Variants in ANKRD42 observed in about 807,000 individuals in gnomAD.
ANKRD42 encodes the protein ankyrin repeat domain 42.
ANKRD42 carries 43 observed loss-of-function variants against 51.5 expected under a neutral mutation model. The ratio of observed to expected loss-of-function variants is 0.83; its 90% CI spans 0.65 to 1.08. ANKRD42 has a LOEUF of 1.08. ANKRD42 is among the 50% of genes least tolerant of loss of function. The pLI, the probability that ANKRD42 is intolerant of heterozygous loss-of-function variation, is 0.00. For missense variants in ANKRD42, 608 were observed against 629.3 expected, an observed-to-expected ratio of 0.97 and a Z score of 0.36; for synonymous variants, 203 against 213.0, an observed-to-expected ratio of 0.95 and a Z score of 0.41.
intron 2 of ANKRD42, among the ~76,000 whole-genome samples, chr11:83,204,643 A>C (rs1031302144): frequency 2.0e-5 from 3 of 152,220 alleles, no homozygotes; most frequent in Non-Finnish European, 4.4e-5. Context: ...AAAATTAAAA[A>C]AAAAAGAAAA....
At position 83,229,787 on chromosome 11, in the gene ANKRD42, G is replaced by A. The variant is rs140296439; in HGVS notation, c.913+1915G>A. ...GGAGTGGATCAGATGGTGTGGTGGA[G>A]GGGGATTATAAGTCGCAACAGCTGG... On this transcript the variant is annotated intron_variant, in intron 7 of 10. Transcript: ENST00000533342. Among the ~76,000 whole-genome samples, 117 of 152,264 alleles carry A rather than the reference G, an allele frequency of 7.7e-4. 1 individual carries two copies. Among genetic ancestry groups the A allele is most frequent in the African/African-American group, 2.7e-3 (114 of 41,542 alleles).
intron 8 of ANKRD42, 56 bp from the exon 9 acceptor site, chr11:83,240,703 C>A: frequency 6.3e-7 from 1 of 1,580,422 alleles, no homozygotes; most frequent in South Asian, 1.1e-5. Flanking sequence ...GTGCAAGCTG[C>A]AGTTTCAGTT....
chr11:83,243,662 T>TG (rs1396241728), intron 9 of ANKRD42, among the ~76,000 whole-genome samples: 293 of 152,204 alleles, frequency 1.9e-3, no homozygotes, highest in African/African-American at 6.8e-3. Flanking sequence ...TATGTATGTA[T>TG]TTATTTATTT....
chr11:83,255,981 A>C (rs565276), exon 12 of ANKRD42: 2 of 1,385,554 alleles, frequency 1.4e-6, no homozygotes, highest in South Asian at 2.7e-5. Context: ...TCTTTCATTA[A>C]AAAAATTGAT....
chr11:83,256,050 TC>T, exon 12 of ANKRD42: 1 of 687,868 alleles, frequency 1.5e-6, no homozygotes, highest in South Asian at 2.4e-5. Flanking sequence ...CTGTTCCAAT[TC>T]TGATGGCAGA....
intron 5 of ANKRD42, among the ~76,000 whole-genome samples, chr11:83,219,318 A>G (rs1435859461): frequency 1.3e-5 from 2 of 152,108 alleles, no homozygotes; most frequent in Non-Finnish European, 2.9e-5. Context: ...AGGACTGTTG[A>G]ATTTATTGTG....
intron 4 of ANKRD42, 153 bp from the exon 5 acceptor site, chr11:83,211,142 C>T: frequency 2.2e-6 from 2 of 918,060 alleles, no homozygotes; most frequent in Non-Finnish European, 1.7e-6. Context: ...CTCATATATT[C>T]AAATTAGTGG....
At chr11:83,211,491 CTTGT>C in intron 5 of ANKRD42, 61 bp downstream of exon 5, 2 of 1,565,858 alleles carry the variant, frequency 1.3e-6, no homozygotes, top group South Asian at 1.1e-5. Flanking sequence ...AATGTTTGAT[CTTGT>C]TTAAGAAATT....
intron 6 of ANKRD42, 35 bp downstream of exon 6, chr11:83,225,090 G>GTGATGA (rs542322248): frequency 6.5e-7 from 1 of 1,528,062 alleles, no homozygotes; most frequent in Non-Finnish European, 9.0e-7. Context: ...AGCATATAAT[G>GTGATGA]TGATGATGAT....
intron 3 of ANKRD42, 122 bp from the exon 4 acceptor site, chr11:83,210,178 A>G (rs1417655403): frequency 7.5e-6 from 7 of 935,970 alleles, no homozygotes; most frequent in Non-Finnish European, 1.1e-5. Flanking sequence ...GCACATATGT[A>G]AGAACATACA....
At chr11:83,199,824 C>T (rs1356096735) in intron 2 of ANKRD42, among the ~76,000 whole-genome samples, 1 of 152,174 alleles carries the variant, frequency 6.6e-6, no homozygotes, top group Non-Finnish European at 1.5e-5. Context: ...CTTCTTGTAA[C>T]CAAATCTGGT....
intron 5 of ANKRD42, among the ~76,000 whole-genome samples, chr11:83,218,968 A>G (rs957712834): frequency 3.9e-5 from 6 of 152,248 alleles, no homozygotes; most frequent in African/African-American, 1.4e-4. Flanking sequence ...TGTAAGGAAT[A>G]CTGTGGCCAG....
chr11:83,243,422 G>T (rs1410411838), intron 9 of ANKRD42, among the ~76,000 whole-genome samples: 1 of 151,954 alleles, frequency 6.6e-6, no homozygotes, highest in Non-Finnish European at 1.5e-5. Context: ...TTTCTTCCTG[G>T]AGCTAATTCC....
Position 83,215,905 on chromosome 11 carries a change from C to T in ANKRD42, c.586+4475C>T, listed in dbSNP as rs578062316. Reference sequence around the variant, plus strand: ...TCTCCTCCTGGGTTCAAGAGATTCTCCTGCCTTAGCCTCTCAAGTAGCTGG... The same window carrying T: ...TCTCCTCCTGGGTTCAAGAGATTCTTCTGCCTTAGCCTCTCAAGTAGCTGG... On this transcript the variant is annotated intron_variant, in intron 5 of 10. Transcript: ENST00000533342. Among the ~76,000 whole-genome samples the T allele has an allele frequency of 2.6e-5, 4 of 152,138 alleles. No homozygotes were observed. In the East Asian group the frequency reaches 7.8e-4, roughly 30 times the overall value.
At chr11:83,210,161 G>T in intron 3 of ANKRD42, 139 bp from the exon 4 acceptor site, 1 of 705,404 alleles carries the variant, frequency 1.4e-6, no homozygotes, top group Non-Finnish European at 2.1e-6. Context: ...CTTATGTTTT[G>T]CCTGTAGCAC....
chr11:83,263,221 TC>T (rs1398941935), downstream of ANKRD42, among the ~76,000 whole-genome samples: 7 of 152,246 alleles, frequency 4.6e-5, no homozygotes, highest in Non-Finnish European at 1.0e-4. Context: ...CTCTGCTGAT[TC>T]AACAGCTGAT....
chr11:83,202,026 G>C (rs1329284110), intron 2 of ANKRD42, among the ~76,000 whole-genome samples: 2 of 152,096 alleles, frequency 1.3e-5, no homozygotes, highest in Non-Finnish European at 2.9e-5. Context: ...GTTGGCTTTT[G>C]TTGCAATTGC....
At chr11:83,218,053 A>G (rs1862595588) in intron 5 of ANKRD42, among the ~76,000 whole-genome samples, 1 of 152,182 alleles carries the variant, frequency 6.6e-6, no homozygotes. Flanking sequence ...TGATTGGGTG[A>G]TACATTTATC....
downstream of ANKRD42, chr11:83,259,522 G>C (rs1863839562): frequency 6.6e-6 from 1 of 152,154 alleles, no homozygotes; most frequent in Admixed American, 6.5e-5. Context: ...ATATTTATTT[G>C]TTGGGGCTTG....
Sources: allele counts gnomAD v4.1 joint callset (sites outside exome capture counted in the v4.1 genomes callset), GRCh38; gene constraint gnomAD v4.1.1; transcripts MANE v1.5; gene names NCBI Gene and HGNC (gene_info 2026-07-23, HGNC 2026-07-21).